The following DPYD variants were observed in gnomAD, a reference collection of about 807,000 sequenced individuals.
DPYD encodes dihydropyrimidine dehydrogenase.
In DPYD, 109 loss-of-function variants were observed where a neutral mutation model predicts 116.2. That is an observed-to-expected ratio of 0.94 (90% CI 0.80 to 1.10). The LOEUF (loss-of-function observed/expected upper bound fraction) is 1.10. Ranked by LOEUF, DPYD falls within the 50% of genes least tolerant of loss-of-function variation. The pLI, the probability that DPYD is intolerant of heterozygous loss-of-function variation, is 0.00. For synonymous variants in DPYD, 440 were observed against 432.0 expected, an observed-to-expected ratio of 1.02 and a Z score of -0.23; for missense variants, 1,302 against 1,254.5, an observed-to-expected ratio of 1.04 and a Z score of -0.57.
intron 20 of DPYD, among the ~76,000 whole-genome samples, chr1:97,112,715 C>T (rs1570475504): frequency 2.0e-5 from 3 of 152,266 alleles, no homozygotes; most frequent in Admixed American, 2.0e-4. Flanking sequence ...GGAGTGAAAG[C>T]ATTCTTCTCA....
intron 14 of DPYD, among the ~76,000 whole-genome samples, chr1:97,447,827 G>A (rs2101783108): frequency 6.6e-6 from 1 of 151,776 alleles, no homozygotes; most frequent in Non-Finnish European, 1.5e-5. Context: ...TCCATTGGTA[G>A]GAGTTATTTT....
intron 3 of DPYD, among the ~76,000 whole-genome samples, chr1:97,751,346 A>G (rs969441567): frequency 6.8e-6 from 1 of 146,702 alleles, no homozygotes; most frequent in Admixed American, 6.9e-5. Context: ...ATATCTATAC[A>G]TATATACATA....
rs539686047 is a variant in DPYD at position 97,086,561 on chromosome 1, C to T, written c.2767-4091G>A. On this transcript the variant is annotated intron_variant, in intron 21 of 22. Transcript: ENST00000370192. ...GTGATTATCTAGCATGTTAGCTGTT[C>T]TTTCTAGCTTCAAGTCTTCATATTT... Among the ~76,000 whole-genome samples the T allele has an allele frequency of 2.6e-5, 4 of 152,206 alleles. No homozygotes were observed. The South Asian group carries it at 8.3e-4, about 32-fold the overall frequency.
chr1:97,746,731 A>G (rs867823023), intron 3 of DPYD, among the ~76,000 whole-genome samples: 7 of 152,098 alleles, frequency 4.6e-5, no homozygotes, highest in South Asian at 2.1e-4. Flanking sequence ...AGACAGTTAT[A>G]ACCAGGAATG....
At chr1:97,245,333 T>A (rs1026751901) in intron 18 of DPYD, among the ~76,000 whole-genome samples, 2 of 152,122 alleles carry the variant, frequency 1.3e-5, no homozygotes, top group Non-Finnish European at 2.9e-5. Flanking sequence ...GACTTTTCTT[T>A]ATTTCCAGAT....
intron 3 of DPYD, among the ~76,000 whole-genome samples, chr1:97,821,331 C>CA (rs35940342): frequency 0.79 from 90,202 of 113,674 alleles, 35,169 homozygotes; most frequent in East Asian, 0.94. Context: ...AACTCCACCT[C>CA]AAAAAAAAAA....
intron 20 of DPYD, among the ~76,000 whole-genome samples, chr1:97,172,807 T>C (rs963659927): frequency 1.3e-5 from 2 of 152,170 alleles, no homozygotes; most frequent in Admixed American, 1.3e-4. Flanking sequence ...AATAAAAATG[T>C]AGCAATTTTC....
rs1458366833 is a variant in DPYD at position 97,346,940 on chromosome 1, TTTATTA to T, written c.2058+26615_2058+26620del. ...ATAAATGCTATATAAAATATTTTATTTTATTATTATTATTGAATGCCTTGGTGATTT... is the reference window on the plus strand; with the variant it reads ...ATAAATGCTATATAAAATATTTTATTTTATTATTGAATGCCTTGGTGATTT... On this transcript the variant is annotated intron_variant, in intron 16 of 22. Coordinates refer to ENST00000370192, the MANE Select transcript of DPYD (RefSeq NM_000110.4). Among the ~76,000 whole-genome samples, 4 of 151,860 alleles carry T rather than the reference TTTATTA, an allele frequency of 2.6e-5. No individual in the cohort carries two copies. In the East Asian group the frequency reaches 7.7e-4, roughly 29 times the overall value.
intron 4 of DPYD, among the ~76,000 whole-genome samples, chr1:97,728,689 T>A (rs1663406005): frequency 6.6e-6 from 1 of 152,096 alleles, no homozygotes; most frequent in South Asian, 2.1e-4. Flanking sequence ...GAAGTTTGCA[T>A]GTGTGAGAAG....
At chr1:97,410,985 G>C (rs1673958489) in intron 14 of DPYD, among the ~76,000 whole-genome samples, 1 of 152,100 alleles carries the variant, frequency 6.6e-6, no homozygotes, top group African/African-American at 2.4e-5. Context: ...GTCAAAGATA[G>C]AATAGTGAGC....
intron 14 of DPYD, among the ~76,000 whole-genome samples, chr1:97,449,575 A>G (rs1007608491): frequency 6.6e-5 from 10 of 152,322 alleles, no homozygotes; most frequent in African/African-American, 2.4e-4. Context: ...AAGAGAAAAA[A>G]AAGATTTTAT....
chr1:97,563,701 A>G (rs1229508596), intron 11 of DPYD, among the ~76,000 whole-genome samples: 1 of 152,220 alleles, frequency 6.6e-6, no homozygotes, highest in Non-Finnish European at 1.5e-5. Context: ...GAAGTAAAAT[A>G]ATTACAGAAA....
chr1:97,547,408 C>G (rs1383527587), intron 12 of DPYD, among the ~76,000 whole-genome samples: 1 of 152,092 alleles, frequency 6.6e-6, no homozygotes, highest in Non-Finnish European at 1.5e-5. Flanking sequence ...AAGCATAGTG[C>G]TGCTATCTAT....
Position 97,311,687 on chromosome 1 carries a change from G to C in DPYD, c.2059-5390C>G, listed in dbSNP as rs530167357. On this transcript the variant is annotated intron_variant, in intron 16 of 22. Coordinates refer to ENST00000370192, the MANE Select transcript of DPYD (RefSeq NM_000110.4). Reference sequence around the variant, plus strand: ...CACTGTTTGAAATAGCCCCAAAGTGGAAAAAATCCAAATTGTCCATCAAGA... The same window carrying C: ...CACTGTTTGAAATAGCCCCAAAGTGCAAAAAATCCAAATTGTCCATCAAGA... 5.9e-5 allele frequency among the ~76,000 whole-genome samples: 9 copies of C among 151,530 alleles called. No homozygotes were observed. In the East Asian group the frequency reaches 1.4e-3, roughly 23 times the overall value.
In DPYD at chr1:97,563,493, A is replaced by G. The variant is rs147989801; in HGVS notation, c.1339+10267T>C. Among the ~76,000 whole-genome samples the G allele has an allele frequency of 2.2e-4, 33 of 152,268 alleles. 1 individual carries two copies. In the East Asian group the frequency reaches 6.0e-3, roughly 28 times the overall value. Reference sequence around the variant, plus strand: ...ATTTTCTACCTTCTTTCCCTAACAAAACTTGTTACATGCCACTGCTCTACT... The same window carrying G: ...ATTTTCTACCTTCTTTCCCTAACAAGACTTGTTACATGCCACTGCTCTACT... On this transcript the variant is annotated intron_variant, in intron 11 of 22. Coordinates refer to ENST00000370192, the MANE Select transcript of DPYD (RefSeq NM_000110.4).
chr1:97,128,354 C>G (rs1385064088), intron 20 of DPYD, among the ~76,000 whole-genome samples: 1 of 152,096 alleles, frequency 6.6e-6, no homozygotes. Flanking sequence ...AAGCCTGACT[C>G]AAAGGCTTCA....
At chr1:97,632,163 A>AC (rs769792465) in intron 8 of DPYD, among the ~76,000 whole-genome samples, 4 of 152,074 alleles carry the variant, frequency 2.6e-5, no homozygotes, top group Non-Finnish European at 4.4e-5. Context: ...CTACCTCATT[A>AC]CCAGCCCGTC....
intron 20 of DPYD, among the ~76,000 whole-genome samples, chr1:97,122,645 C>T (rs1259911856): frequency 6.6e-6 from 1 of 152,038 alleles, no homozygotes; most frequent in African/African-American, 2.4e-5. Flanking sequence ...TATATGTACG[C>T]AGATAATTAC....
At chr1:97,715,951 G>T (rs1225133239) in intron 5 of DPYD, among the ~76,000 whole-genome samples, 2 of 152,026 alleles carry the variant, frequency 1.3e-5, no homozygotes, top group African/African-American at 4.8e-5. Context: ...TTCAGTGACT[G>T]CCATAACCAA....
Sources: gnomAD v4.1 joint callset for allele counts (sites outside exome capture counted in the v4.1 genomes callset) on GRCh38, gnomAD v4.1.1 for gene constraint, MANE v1.5 for transcripts, NCBI Gene and HGNC (gene_info 2026-07-23, HGNC 2026-07-21) for gene names.